The following NFE2L2 variants were observed in gnomAD, a reference collection of about 807,000 sequenced individuals.
NFE2L2 encodes the protein nuclear factor erythroid 2-related factor 2.
Under a neutral mutation model 49.6 loss-of-function variants are expected in NFE2L2, and 20 were observed. The ratio of observed to expected loss-of-function variants is 0.40; its 90% CI spans 0.28 to 0.59. NFE2L2 has a LOEUF of 0.59. Among genes scored for constraint, NFE2L2 ranks in the 20% least tolerant of loss-of-function variants. The probability of loss-of-function intolerance (pLI) is 0.40; values close to 1 mark genes in which losing one functional copy is unlikely to be tolerated. For synonymous variants in NFE2L2, 244 were observed against 256.5 expected, an observed-to-expected ratio of 0.95 and a Z score of 0.47; for missense variants, 578 against 714.2, an observed-to-expected ratio of 0.81 and a Z score of 2.17.
chr2:177,259,939 A>T (rs1027877478), intron 1 of NFE2L2, among the ~76,000 whole-genome samples: 10 of 152,210 alleles, frequency 6.6e-5, no homozygotes, highest in African/African-American at 2.4e-4. Context: ...CTCAAAAAAA[A>T]AAGCCATCTG....
At chr2:177,241,268 C>CG (rs1689930029) in intron 1 of NFE2L2, among the ~76,000 whole-genome samples, 1 of 151,926 alleles carries the variant, frequency 6.6e-6, no homozygotes, top group Non-Finnish European at 1.5e-5. Context: ...TAATGTTATT[C>CG]CCCTGAGATC....
intron 1 of NFE2L2, among the ~76,000 whole-genome samples, chr2:177,238,604 CT>C (rs1474325904): frequency 1.3e-5 from 2 of 152,152 alleles, no homozygotes; most frequent in African/African-American, 4.8e-5. Context: ...CTACTACTTG[CT>C]GTATAAGCGA....
chr2:177,233,514 C>T, intron 2 of NFE2L2, 175 bp from the exon 3 acceptor site: 1 of 587,612 alleles, frequency 1.7e-6, no homozygotes, highest in Non-Finnish European at 2.9e-6. Flanking sequence ...GGGTTCAGAT[C>T]TTAGCTCCTC....
chr2:177,259,760 A>C (rs991188579), intron 1 of NFE2L2, among the ~76,000 whole-genome samples: 1 of 151,966 alleles, frequency 6.6e-6, no homozygotes, highest in Non-Finnish European at 1.5e-5. Flanking sequence ...GTGAAACCCC[A>C]TCTCTACTAA....
At chr2:177,263,967 C>A (rs1574289251) in intron 1 of NFE2L2, 1 of 984,254 alleles carries the variant, frequency 1.0e-6, no homozygotes, top group Non-Finnish European at 1.2e-6. Flanking sequence ...GACGGCCCAG[C>A]GGGGTGAGCG....
chr2:177,230,691 T>C lies in NFE2L2; in HGVS notation c.*94A>G. On this transcript the variant is annotated 3_prime_UTR_variant, in exon 5 of 5. Transcript: ENST00000397062. ...TTTTGGCTATGATTTTGCATAGAAT[T>C]ACTTATAAAGTATGAGCATTTCACA... 7.3e-7 allele frequency: 1 copy of C among 1,374,404 alleles called. No individual in the cohort carries two copies. Among genetic ancestry groups the C allele is most frequent in the Non-Finnish European group, 9.7e-7 (1 of 1,034,710 alleles). The allele number at this position is 1,374,404 out of a possible 1,614,324, so 85.1% of individuals were successfully genotyped here. A position where few individuals can be genotyped will look rare whatever the true frequency, so the allele number is the denominator to read the frequency against.
chr2:177,264,080 G>A (rs990917673), intron 1 of NFE2L2, among the ~76,000 whole-genome samples: 3 of 152,094 alleles, frequency 2.0e-5, no homozygotes, highest in Non-Finnish European at 4.4e-5. Flanking sequence ...CCGTGACTAG[G>A]CACATTTTTG....
intron 3 of NFE2L2, chr2:177,232,899 T>C (rs1689606007): frequency 2.1e-6 from 1 of 467,028 alleles, no homozygotes; most frequent in Admixed American, 3.8e-5. Context: ...AATTGTTAAC[T>C]GAACAAGTCT....
Position 177,234,312 on chromosome 2 carries a change from T to C in NFE2L2, c.46-41A>G, listed in dbSNP as rs781431041. The C allele has an allele frequency of 5.8e-6, 9 of 1,557,142 alleles. No homozygotes were observed. In the Admixed American group the frequency reaches 1.8e-4, roughly 31 times the overall value. ...AAAAAGGAAGGAGAGAGCTCATGTT[T>C]TTTAAATGACAGATACCACATAAAT... On this transcript the variant is annotated intron_variant, in intron 1 of 4. Coordinates refer to ENST00000397062, the MANE Select transcript of NFE2L2 (RefSeq NM_006164.5).
At chr2:177,253,212 C>G (rs1384170503) in intron 1 of NFE2L2, among the ~76,000 whole-genome samples, 6 of 152,190 alleles carry the variant, frequency 3.9e-5, no homozygotes, top group South Asian at 2.1e-4. Flanking sequence ...TCTGAGCACC[C>G]CAGTTAGAAG....
At chr2:177,254,254 C>T (rs1436344166) in intron 1 of NFE2L2, among the ~76,000 whole-genome samples, 1 of 152,192 alleles carries the variant, frequency 6.6e-6, no homozygotes, top group Admixed American at 6.5e-5. Flanking sequence ...ACAAGTCACT[C>T]TACCTGCATA....
At position 177,236,007 on chromosome 2, in the gene NFE2L2, G is replaced by A. The variant is rs184867003; in HGVS notation, c.46-1736C>T. Among the ~76,000 whole-genome samples the A allele has an allele frequency of 3.0e-3, 460 of 152,280 alleles. 1 individual carries two copies. The highest frequency in any genetic ancestry group is 0.01 in the African/African-American group (431 of 41,552). On this transcript the variant is annotated intron_variant, in intron 1 of 4. Transcript: ENST00000397062. The stretch of plus-strand genomic sequence containing the variant: ...TTCCATTCCACAAATCACCTATAGG[G>A]GAAATAATTAATTTGAGAATGGAAA...
At chr2:177,234,775 ATT>A (rs1689681828) in intron 1 of NFE2L2, among the ~76,000 whole-genome samples, 1 of 152,174 alleles carries the variant, frequency 6.6e-6, no homozygotes, top group East Asian at 1.9e-4. Context: ...AAATATCACC[ATT>A]CTTTCCATCT....
chr2:177,255,226 G>A (rs1200468172), intron 1 of NFE2L2, among the ~76,000 whole-genome samples: 1 of 152,184 alleles, frequency 6.6e-6, no homozygotes, highest in Non-Finnish European at 1.5e-5. Flanking sequence ...TACTTCTCAG[G>A]ATCAACGAGA....
Position 177,231,223 on chromosome 2 carries a change from C to T in NFE2L2, c.1380G>A (p.Arg460=). The T allele has an allele frequency of 1.2e-6, 2 of 1,614,130 alleles. No homozygotes were observed. The highest frequency in any genetic ancestry group is 8.5e-7 in the Non-Finnish European group (1 of 1,180,032). The change falls in exon 5 of 5, where the codon AGG becomes AGA. Residue 460 remains arginine, a synonymous_variant. Coordinates refer to ENST00000397062, the MANE Select transcript of NFE2L2 (RefSeq NM_006164.5). ...GGAATGGGATATGGAGAGCTTTTGC[C>T]CTAAGTTCATCTCTTGTGAGATGAG... ...LEAHLTRDEL[R]AKALHIPFPV...
intron 1 of NFE2L2, among the ~76,000 whole-genome samples, chr2:177,235,624 G>C (rs545486355): frequency 6.6e-6 from 1 of 152,238 alleles, no homozygotes; most frequent in Middle Eastern, 3.4e-3. Context: ...GAGCACAGGA[G>C]TTACTAGCCT....
intron 4 of NFE2L2, 75 bp downstream of exon 4, chr2:177,232,317 G>T: frequency 1.5e-6 from 2 of 1,331,810 alleles, no homozygotes; most frequent in Non-Finnish European, 2.0e-6. Context: ...TAAATAGGTG[G>T]TATATAAATA....
intron 1 of NFE2L2, among the ~76,000 whole-genome samples, chr2:177,243,429 A>C (rs1275209365): frequency 6.6e-6 from 1 of 152,198 alleles, no homozygotes; most frequent in Non-Finnish European, 1.5e-5. Flanking sequence ...TGCCACTTCT[A>C]AACTCCCCAA....
intron 1 of NFE2L2, among the ~76,000 whole-genome samples, chr2:177,252,800 T>G (rs1018218563): frequency 1.3e-5 from 2 of 152,170 alleles, no homozygotes; most frequent in Non-Finnish European, 2.9e-5. Context: ...CCTCAATCTG[T>G]GTGCTGATGT....
Sources: allele counts gnomAD v4.1 joint callset (sites outside exome capture counted in the v4.1 genomes callset), GRCh38; gene constraint gnomAD v4.1.1; transcripts MANE v1.5; gene names NCBI Gene and HGNC (gene_info 2026-07-23, HGNC 2026-07-21).